The following SLC9A9 variants were observed in gnomAD, a reference collection of about 807,000 sequenced individuals.
SLC9A9 encodes sodium/hydrogen exchanger 9.
Under a neutral mutation model 77.8 loss-of-function variants are expected in SLC9A9, and 62 were observed. The observed-to-expected ratio is 0.80, with a 90% CI of 0.65 to 0.98. SLC9A9 has a LOEUF of 0.98. Ranked by LOEUF, SLC9A9 falls within the 50% of genes least tolerant of loss-of-function variation. The pLI is 0.00. For synonymous variants in SLC9A9, 320 were observed against 283.5 expected, an observed-to-expected ratio of 1.13 and a Z score of -1.29; for missense variants, 775 against 774.9, an observed-to-expected ratio of 1.00 and a Z score of 0.00.
chr3:143,606,436 C>CTCTCTCTCTATATATATATATATA (rs1419410834), intron 6 of SLC9A9, among the ~76,000 whole-genome samples: 10 of 54,212 alleles, frequency 1.8e-4, no homozygotes, highest in African/African-American at 6.1e-4. Flanking sequence ...CTCTCTCTCT[C>CTCTCTCTCTATATATATATATATA]TATATATATA....
At chr3:143,734,409 C>T (rs1418626947) in intron 4 of SLC9A9, among the ~76,000 whole-genome samples, 2 of 151,922 alleles carry the variant, frequency 1.3e-5, no homozygotes, top group African/African-American at 2.4e-5. Flanking sequence ...ACATAAAAAC[C>T]CTTTTAAAAA....
chr3:143,446,870 GTGTGTA>G lies in SLC9A9; in HGVS notation c.1469+20161_1469+20166del, dbSNP rs1312242744. Among the ~76,000 whole-genome samples the G allele has an allele frequency of 2.5e-5, 3 of 121,212 alleles. No homozygotes were observed. In the South Asian group the frequency reaches 7.5e-4, roughly 30 times the overall value. The allele number at this position is 121,212 out of a possible 152,430, so 79.5% of individuals were successfully genotyped here. On this transcript the variant is annotated intron_variant, in intron 12 of 15. Transcript: ENST00000316549. ...TCAATATGGCTGAGATATAAGGTAG[GTGTGTA>G]TGTGTGTGTGTGTGTGTGTGTGCAT...
At chr3:143,546,950 T>A (rs1475773887) in intron 9 of SLC9A9, among the ~76,000 whole-genome samples, 1 of 152,230 alleles carries the variant, frequency 6.6e-6, no homozygotes, top group African/African-American at 2.4e-5. Flanking sequence ...CTTGAACCCA[T>A]TCTATTCAGG....
chr3:143,647,521 T>A (rs955704672), intron 6 of SLC9A9, among the ~76,000 whole-genome samples: 1 of 152,236 alleles, frequency 6.6e-6, no homozygotes, highest in Non-Finnish European at 1.5e-5. Flanking sequence ...TAGAAGAGTA[T>A]AAAATAAAGA....
intron 13 of SLC9A9, among the ~76,000 whole-genome samples, chr3:143,367,954 T>A (rs1447863684): frequency 6.6e-6 from 1 of 152,212 alleles, no homozygotes; most frequent in South Asian, 2.1e-4. Flanking sequence ...CTATTATTAA[T>A]AATGCCAACT....
chr3:143,584,727 C>G (rs1273654743), intron 6 of SLC9A9, among the ~76,000 whole-genome samples: 5 of 152,222 alleles, frequency 3.3e-5, no homozygotes, highest in African/African-American at 4.8e-5. Context: ...ATCAAATCCC[C>G]CTTTGTGCTG....
intron 6 of SLC9A9, among the ~76,000 whole-genome samples, chr3:143,644,396 T>C (rs1388665880): frequency 6.6e-6 from 1 of 152,244 alleles, no homozygotes; most frequent in African/African-American, 2.4e-5. Context: ...CTGGAGACGC[T>C]GCCAGTGAAT....
intron 9 of SLC9A9, chr3:143,504,092 T>C: frequency 2.0e-6 from 1 of 501,622 alleles, no homozygotes; most frequent in South Asian, 1.5e-5. Context: ...TTCTCAGCCT[T>C]GATGGTACTG....
chr3:143,357,752 A>G (rs1280515506), intron 14 of SLC9A9, among the ~76,000 whole-genome samples: 1 of 152,138 alleles, frequency 6.6e-6, no homozygotes, highest in Admixed American at 6.5e-5. Flanking sequence ...TGCCTCATTT[A>G]TAAAACTGGG....
At chr3:143,741,866 A>G (rs1287160115) in intron 4 of SLC9A9, among the ~76,000 whole-genome samples, 1 of 152,094 alleles carries the variant, frequency 6.6e-6, no homozygotes, top group African/African-American at 2.4e-5. Flanking sequence ...GCCCTTGTTC[A>G]TTCCTGGGCG....
intron 11 of SLC9A9, among the ~76,000 whole-genome samples, chr3:143,477,080 T>A (rs1422623469): frequency 6.6e-6 from 1 of 152,208 alleles, no homozygotes; most frequent in Non-Finnish European, 1.5e-5. Flanking sequence ...AATCTATTCT[T>A]ATATATTCCA....
At chr3:143,817,441 C>G (rs1275734896) in intron 2 of SLC9A9, among the ~76,000 whole-genome samples, 1 of 152,112 alleles carries the variant, frequency 6.6e-6, no homozygotes, top group Non-Finnish European at 1.5e-5. Context: ...AGCCACCGCG[C>G]CCGGCCAAAA....
chr3:143,780,259 T>C (rs1202792715), intron 4 of SLC9A9, among the ~76,000 whole-genome samples: 1 of 152,146 alleles, frequency 6.6e-6, no homozygotes, highest in Non-Finnish European at 1.5e-5. Context: ...TAAGTAGACC[T>C]GAAACAAATA....
chr3:143,616,066 G>A lies in SLC9A9; in HGVS notation c.755+36189C>T, dbSNP rs576391117. Among the ~76,000 whole-genome samples, 4 of 151,880 alleles carry A rather than the reference G, an allele frequency of 2.6e-5. No homozygotes were observed. The South Asian group carries it at 6.3e-4, about 24-fold the overall frequency. ...CAGCTAATTTTTTTTGGTATTTTTC[G>A]TAGAGACAGGGTTTCACTATCTTAG... is the stretch of plus-strand genomic sequence containing the variant. On this transcript the variant is annotated intron_variant, in intron 6 of 15. Transcript: ENST00000316549.
intron 12 of SLC9A9, among the ~76,000 whole-genome samples, chr3:143,404,141 C>G (rs1044959442): frequency 6.6e-6 from 1 of 150,966 alleles, no homozygotes; most frequent in Non-Finnish European, 1.5e-5. Flanking sequence ...ACTTTCACCT[C>G]AAGAATTTTT....
At chr3:143,769,278 G>T (rs1001744640) in intron 4 of SLC9A9, among the ~76,000 whole-genome samples, 1 of 151,890 alleles carries the variant, frequency 6.6e-6, no homozygotes, top group African/African-American at 2.4e-5. Flanking sequence ...ATCTAAACTC[G>T]CCTGGGACCC....
chr3:143,464,911 C>T (rs920380681), intron 12 of SLC9A9, among the ~76,000 whole-genome samples: 7 of 152,122 alleles, frequency 4.6e-5, no homozygotes, highest in Non-Finnish European at 8.8e-5. Context: ...TTCAGTTTTT[C>T]CCCTTTAGTT....
chr3:143,775,797 C>G (rs2007669190), intron 4 of SLC9A9, among the ~76,000 whole-genome samples: 1 of 152,194 alleles, frequency 6.6e-6, no homozygotes, highest in Non-Finnish European at 1.5e-5. Context: ...AATGGCTTTT[C>G]ACATCTGCTT....
intron 2 of SLC9A9, among the ~76,000 whole-genome samples, chr3:143,827,981 G>T (rs2009342230): frequency 6.6e-6 from 1 of 152,246 alleles, no homozygotes; most frequent in East Asian, 1.9e-4. Flanking sequence ...AACGCTCTAG[G>T]TCTTAGCCCC....
Sources: gnomAD v4.1 joint callset for allele counts (sites outside exome capture counted in the v4.1 genomes callset) on GRCh38, gnomAD v4.1.1 for gene constraint, MANE v1.5 for transcripts, NCBI Gene and HGNC (gene_info 2026-07-23, HGNC 2026-07-21) for gene names.